The following FGF13 variants were observed in gnomAD, a reference collection of about 807,000 sequenced individuals.
The protein encoded by FGF13 is fibroblast growth factor homologous factor 2.
In FGF13, 2 loss-of-function variants were observed where a neutral mutation model predicts 19.5. The ratio of observed to expected loss-of-function variants is 0.10; its 90% CI spans 0.04 to 0.32. The LOEUF (loss-of-function observed/expected upper bound fraction) is 0.32, where lower values mean the gene tolerates loss of function less well. FGF13 is among the 10% of genes least tolerant of loss of function. The pLI is 1.00. For missense variants in FGF13, 113 were observed against 192.7 expected (o/e 0.59, Z 2.45); for synonymous variants, 72 against 76.9 (o/e 0.94, Z 0.33).
chrX:138,972,056 T>TTTGTGTGTG (rs1556316125), intron 1 of FGF13, among the ~76,000 whole-genome samples: 1 of 94,965 alleles, frequency 1.1e-5, no homozygotes, highest in African/African-American at 3.8e-5. Flanking sequence ...TAGTATTCTA[T>TTTGTGTGTG]TGTGTGTGTG....
chrX:139,137,963 A>G (rs1462213996), intron 1 of FGF13, among the ~76,000 whole-genome samples: 1 of 112,187 alleles, frequency 8.9e-6, no homozygotes, highest in African/African-American at 3.2e-5. Context: ...GTCCAGAGTA[A>G]TGGTTAAAAA....
At chrX:138,756,605 G>C (rs1248711751) in intron 3 of FGF13, among the ~76,000 whole-genome samples, 1 of 112,457 alleles carries the variant, frequency 8.9e-6, no homozygotes, top group African/African-American at 3.2e-5. Context: ...AACTGAAATG[G>C]GGAGCCCTAG....
chrX:139,017,642 TC>T (rs1316042394), intron 1 of FGF13, among the ~76,000 whole-genome samples: 1 of 111,087 alleles, frequency 9.0e-6, no homozygotes, highest in Non-Finnish European at 1.9e-5. Context: ...CTCTTCAGGT[TC>T]CCTTATCATA....
intron 1 of FGF13, among the ~76,000 whole-genome samples, chrX:139,070,941 A>G (rs1296626331): frequency 9.0e-6 from 1 of 110,922 alleles, no homozygotes; most frequent in Admixed American, 9.6e-5. Flanking sequence ...GAACAATGAG[A>G]ACACATGGAC....
At chrX:139,002,699 A>G (rs1246204470) in intron 1 of FGF13, among the ~76,000 whole-genome samples, 2 of 111,395 alleles carry the variant, frequency 1.8e-5, no homozygotes, top group Non-Finnish European at 3.8e-5. Context: ...TCACAGTAAA[A>G]TAGGACACCA....
At chrX:138,882,942 G>A (rs2091434730) in intron 1 of FGF13, among the ~76,000 whole-genome samples, 1 of 110,863 alleles carries the variant, frequency 9.0e-6, no homozygotes, top group Non-Finnish European at 1.9e-5. Context: ...AGAGAAACCT[G>A]CCCCCCAAAA....
chrX:139,128,733 C>T (rs2083737199), intron 1 of FGF13, among the ~76,000 whole-genome samples: 1 of 111,906 alleles, frequency 8.9e-6, no homozygotes, highest in African/African-American at 3.3e-5. Flanking sequence ...ACGTTGCATT[C>T]GTTCATTAAA....
intron 1 of FGF13, among the ~76,000 whole-genome samples, chrX:139,005,378 G>A (rs1231755541): frequency 9.0e-6 from 1 of 111,705 alleles, no homozygotes; most frequent in African/African-American, 3.3e-5. Context: ...TACTTGGCTT[G>A]GGGTGCCTCC....
At chrX:138,645,331 A>G (rs764342784) in intron 3 of FGF13, among the ~76,000 whole-genome samples, 91 of 112,151 alleles carry the variant, frequency 8.1e-4, no homozygotes, top group African/African-American at 2.8e-3. Flanking sequence ...GTCACTGGGT[A>G]GACAACAGCT....
chrX:138,978,331 C>T (rs754674809), intron 1 of FGF13, among the ~76,000 whole-genome samples: 2 of 98,346 alleles, frequency 2.0e-5, no homozygotes, highest in South Asian at 1.0e-3. Context: ...GGCGCGATCT[C>T]GGCTCACTGC....
At chrX:138,676,598 T>G (rs1291265413) in intron 3 of FGF13, among the ~76,000 whole-genome samples, 1 of 110,887 alleles carries the variant, frequency 9.0e-6, no homozygotes, top group Non-Finnish European at 1.9e-5. Context: ...TGGGAGAAAA[T>G]TTTTCCACGG....
chrX:138,954,939 A>G (rs2091833540), intron 1 of FGF13, among the ~76,000 whole-genome samples: 1 of 112,323 alleles, frequency 8.9e-6, no homozygotes, highest in Admixed American at 9.4e-5. Flanking sequence ...CTTTCAAACT[A>G]TAAGAAGTTC....
At chrX:138,787,006 G>C (rs2090698772) in intron 3 of FGF13, among the ~76,000 whole-genome samples, 1 of 112,416 alleles carries the variant, frequency 8.9e-6, no homozygotes, top group Non-Finnish European at 1.9e-5. Context: ...TTGTGAAACA[G>C]AGAAATCTTA....
At chrX:139,169,770 G>C (rs1041858230) in intron 1 of FGF13, among the ~76,000 whole-genome samples, 5 of 111,678 alleles carry the variant, frequency 4.5e-5, no homozygotes, top group African/African-American at 1.6e-4. Context: ...ACCAGGATCA[G>C]TGAGAGCCTC....
chrX:138,922,359 C>T (rs750728636), intron 1 of FGF13, among the ~76,000 whole-genome samples: 1 of 111,909 alleles, frequency 8.9e-6, no homozygotes, highest in Non-Finnish European at 1.9e-5. Flanking sequence ...GCCAATCACA[C>T]TCATGGGGAA....
intron 3 of FGF13, among the ~76,000 whole-genome samples, chrX:138,745,664 AATTAATGTCAAATTCTT>A (rs1420412134): frequency 5.3e-5 from 6 of 112,256 alleles, no homozygotes; most frequent in African/African-American, 1.9e-4. Flanking sequence ...CCAATTTCAA[AATTAATGTCAAATTCTT>A]ACTCTATTTC....
intron 3 of FGF13, among the ~76,000 whole-genome samples, chrX:138,697,358 T>G (rs944010549): frequency 7.2e-5 from 8 of 110,525 alleles, no homozygotes; most frequent in Non-Finnish European, 1.5e-4. Flanking sequence ...TATGTCCCCT[T>G]AGTTCAGATT....
rs763002894 is a variant in FGF13, at chrX:139,004,959, C to A, written c.-112-140309G>T. The stretch of plus-strand genomic sequence containing the variant: ...TTGACTCCAGGCTCTAGATCCCAGA[C>A]AGCACCTCTGGACCTGACCAGGGCC... On this transcript the variant is annotated intron_variant, in intron 1 of 2. Coordinates refer to the FGF13 transcript ENST00000421460. 2.7e-5 allele frequency among the ~76,000 whole-genome samples: 3 copies of A among 112,321 alleles called. No individual in the cohort carries two copies. The East Asian group carries it at 8.5e-4, about 32-fold the overall frequency.
chrX:138,788,092 T>A (rs981768981), intron 3 of FGF13, among the ~76,000 whole-genome samples: 1 of 111,994 alleles, frequency 8.9e-6, no homozygotes, highest in African/African-American at 3.2e-5. Flanking sequence ...ATGGATGAGA[T>A]TCAAGGTACA....
Sources: allele counts gnomAD v4.1 joint callset (sites outside exome capture counted in the v4.1 genomes callset), GRCh38; gene constraint gnomAD v4.1.1; transcripts MANE v1.5; gene names NCBI Gene and HGNC (gene_info 2026-07-23, HGNC 2026-07-21).